Variants in RGS22 observed in about 807,000 individuals in gnomAD.
The protein encoded by RGS22 is regulator of G protein signaling 22, also known as regulator of G-protein signaling 22.
In RGS22, 148 loss-of-function variants were observed where a neutral mutation model predicts 172.9. That is an observed-to-expected ratio of 0.86 (90% CI 0.75 to 0.98). The LOEUF (loss-of-function observed/expected upper bound fraction) is 0.98, where lower values mean the gene tolerates loss of function less well. Among genes scored for constraint, RGS22 ranks in the 50% least tolerant of loss-of-function variants. The pLI is 0.00. For synonymous variants in RGS22, 458 were observed against 480.2 expected (o/e 0.95, Z 0.60); for missense variants, 1,347 against 1,440.8 (o/e 0.93, Z 1.05).
intron 3 of RGS22, among the ~76,000 whole-genome samples, chr8:100,090,168 C>T (rs932874198): frequency 6.6e-6 from 1 of 152,160 alleles, no homozygotes. Context: ...CATACGTTAC[C>T]TCACTTGATA....
In RGS22 at chr8:99,962,978, G is replaced by C; in HGVS notation, c.3616C>G (p.Pro1206Ala). Residue 1206 changes from proline (P) to alanine (A), a missense_variant and splice_region_variant, in exon 25 of 28, where the codon CCA becomes GCA. Coordinates refer to ENST00000360863, the MANE Select transcript of RGS22 (RefSeq NM_015668.5). ...ATATACTTTGAGTAGCACCAGGTTG[G>C]CTAAAAAAAGCAATTTTCAAAGTTA... Reference protein sequence around the residue: ...FLGLQPYGRQPTWCYSKYIEA... With the variant: ...FLGLQPYGRQATWCYSKYIEA... 6.4e-7 allele frequency: 1 copy of C among 1,552,142 alleles called. No homozygotes were observed. Among genetic ancestry groups the C allele is most frequent in the Non-Finnish European group, 8.6e-7 (1 of 1,159,510 alleles).
intron 14 of RGS22, among the ~76,000 whole-genome samples, chr8:100,021,114 G>T (rs1265072972): frequency 6.6e-6 from 1 of 152,114 alleles, no homozygotes; most frequent in East Asian, 1.9e-4. Flanking sequence ...TAAAGAAAGA[G>T]AAATAAAGTA....
intron 8 of RGS22, 95 bp from the exon 9 acceptor site, chr8:100,062,847 T>A: frequency 1.0e-6 from 1 of 1,000,158 alleles, no homozygotes; most frequent in Non-Finnish European, 1.5e-6. Context: ...TAAACACAAG[T>A]TAAAGACTTT....
intron 4 of RGS22, among the ~76,000 whole-genome samples, chr8:100,075,367 C>T (rs1452635753): frequency 2.0e-5 from 3 of 152,172 alleles, no homozygotes; most frequent in Non-Finnish European, 4.4e-5. Flanking sequence ...TGCTACCTCT[C>T]TTGCCATGTG....
chr8:100,001,997 C>T (rs1272646034), intron 18 of RGS22, among the ~76,000 whole-genome samples: 4 of 152,126 alleles, frequency 2.6e-5, no homozygotes, highest in Non-Finnish European at 4.4e-5. Context: ...TAGAGTAACA[C>T]ATTTTTATAC....
rs969855937 is a variant in RGS22, at chr8:100,016,241, C to A, written c.2167-7672G>T. On this transcript the variant is annotated intron_variant, in intron 14 of 27. Transcript: ENST00000360863. Reference sequence around the variant, plus strand: ...GCCAACATCTCAAACCAAGAATATACAATTTAGAACTTGGGTTGACGCTTC... The same window carrying A: ...GCCAACATCTCAAACCAAGAATATAAAATTTAGAACTTGGGTTGACGCTTC... Among the ~76,000 whole-genome samples, 5 of 152,104 alleles carry A rather than the reference C, an allele frequency of 3.3e-5. No individual in the cohort carries two copies. The East Asian group carries it at 5.8e-4, about 18-fold the overall frequency.
chr8:99,973,363 A>C (rs781063359), intron 23 of RGS22, among the ~76,000 whole-genome samples: 2 of 152,212 alleles, frequency 1.3e-5, no homozygotes, highest in Non-Finnish European at 2.9e-5. Context: ...TGTCTTTTGC[A>C]GGGACATGAA....
chr8:100,060,421 T>TATATATATATATATATATATATATATAC (rs1245783464), intron 9 of RGS22, among the ~76,000 whole-genome samples: 79 of 119,404 alleles, frequency 6.6e-4, no homozygotes, highest in Non-Finnish European at 1.1e-3. Context: ...TATATATATA[T>TATATATATATATATATATATATATATAC]ACACACACAC....
chr8:100,094,348 C>T (rs924272013), intron 2 of RGS22, among the ~76,000 whole-genome samples: 6 of 108,824 alleles, frequency 5.5e-5, no homozygotes, highest in African/African-American at 2.9e-4. Flanking sequence ...TGACACAATG[C>T]TATTATTTCC....
At chr8:100,053,336 T>C (rs3133706) in intron 9 of RGS22, among the ~76,000 whole-genome samples, 91,888 of 151,586 alleles carry the variant, frequency 0.61, 27,979 homozygotes, top group Admixed American at 0.65. Flanking sequence ...GCAGGAGATT[T>C]GCTTGAACCC....
chr8:100,039,147 T>A, intron 13 of RGS22, 115 bp from the exon 14 acceptor site: 1 of 485,992 alleles, frequency 2.1e-6, no homozygotes, highest in Non-Finnish European at 3.6e-6. Context: ...TAAATCAGGT[T>A]CAATTTAAGA....
At position 100,025,001 on chromosome 8, in the gene RGS22, T is replaced by C. The variant is rs1042718642; in HGVS notation, c.2166+13930A>G. ...TGGAAACAAGAGGATTAAAAGAGGA[T>C]CTATAAATAAATAAATAAATAAATA... On this transcript the variant is annotated intron_variant, in intron 14 of 27. Coordinates refer to ENST00000360863, the MANE Select transcript of RGS22 (RefSeq NM_015668.5). 5.7e-4 allele frequency among the ~76,000 whole-genome samples: 75 copies of C among 132,572 alleles called. No individual in the cohort carries two copies. In the Admixed American group the frequency reaches 6.1e-3, roughly 11 times the overall value. 87.0% of individuals were successfully genotyped at this position (132,572 alleles called of 152,430 possible).
chr8:99,965,541 CT>C, intron 23 of RGS22, 111 bp from the exon 24 acceptor site: 1 of 732,168 alleles, frequency 1.4e-6, no homozygotes, highest in Non-Finnish European at 2.2e-6. Context: ...ATAGTGAGTG[CT>C]GCACTTAAGG....
chr8:100,051,463 TAA>T (rs1369042475), intron 10 of RGS22, among the ~76,000 whole-genome samples: 3 of 109,640 alleles, frequency 2.7e-5, no homozygotes, highest in South Asian at 5.2e-4. Flanking sequence ...ATATTATATA[TAA>T]ATATATATTA....
At chr8:100,056,546 G>T (rs1435641057) in intron 9 of RGS22, among the ~76,000 whole-genome samples, 1 of 152,164 alleles carries the variant, frequency 6.6e-6, no homozygotes, top group African/African-American at 2.4e-5. Context: ...GCTGTGTACA[G>T]CCTAGGGACT....
At chr8:100,005,097 A>G (rs980506537) in intron 16 of RGS22, among the ~76,000 whole-genome samples, 4 of 152,052 alleles carry the variant, frequency 2.6e-5, no homozygotes, top group African/African-American at 4.8e-5. Flanking sequence ...CATAGAGTTT[A>G]CAATACAACC....
chr8:100,037,018 A>G (rs1043336687), intron 14 of RGS22, among the ~76,000 whole-genome samples: 4 of 152,206 alleles, frequency 2.6e-5, no homozygotes, highest in East Asian at 1.9e-4. Flanking sequence ...AGAAACGAAC[A>G]GCATTTCATA....
intron 9 of RGS22, among the ~76,000 whole-genome samples, chr8:100,053,609 T>A (rs979717880): frequency 4.6e-5 from 7 of 152,216 alleles, no homozygotes; most frequent in African/African-American, 1.7e-4. Flanking sequence ...TAATAAAAAT[T>A]GTTAGAATAA....
chr8:99,982,514 T>C (rs145730810), intron 21 of RGS22, among the ~76,000 whole-genome samples: 2 of 152,338 alleles, frequency 1.3e-5, no homozygotes, highest in African/African-American at 2.4e-5. Context: ...TGTGAGAACA[T>C]GTTGCTCCTA....
Sources: gnomAD v4.1 joint callset for allele counts (sites outside exome capture counted in the v4.1 genomes callset) on GRCh38, gnomAD v4.1.1 for gene constraint, MANE v1.5 for transcripts, NCBI Gene and HGNC (gene_info 2026-07-23, HGNC 2026-07-21) for gene names.